Variants in LOXL3 observed in about 807,000 individuals in gnomAD.
LOXL3 encodes lysyl oxidase like 3, also known as lysyl oxidase homolog 3.
Under a neutral mutation model 91.8 loss-of-function variants are expected in LOXL3, and 60 were observed. The observed-to-expected ratio is 0.65, with a 90% CI of 0.53 to 0.81. The LOEUF is 0.81. LOXL3 is among the 30% of genes least tolerant of loss of function. The pLI is 0.00. For synonymous variants in LOXL3, 355 were observed against 387.6 expected (o/e 0.92, Z 0.99); for missense variants, 874 against 1,000.4 (o/e 0.87, Z 1.70).
Position 74,535,418 on chromosome 2 carries a change from C to A in LOXL3, c.1453G>T (p.Val485Leu). ...WYWDSGNITEVVMSGVRCTGT... is the reference protein window; with the variant it reads ...WYWDSGNITELVMSGVRCTGT... The stretch of plus-strand genomic sequence containing the variant: ...GTGCAGCGCACTCCACTCATCACCA[C>A]CTCTGTTATATTCCCAGAGTCCCAG... The change falls in exon 9 of 14, where the codon GTG (valine) becomes TTG (leucine). Residue 485 changes from valine (V) to leucine (L), a missense_variant. Coordinates refer to ENST00000264094, the MANE Select transcript of LOXL3 (RefSeq NM_032603.5). The surrounding 1 kb of genome is among the most constrained non-coding windows in gnomAD (Gnocchi z 4.2). 6.2e-7 allele frequency: 1 copy of A among 1,614,090 alleles called. No individual in the cohort carries two copies. The highest frequency in any genetic ancestry group is 1.6e-4 in the Middle Eastern group (1 of 6,062).
At chr2:74,538,503 T>G (rs1213997463) in intron 4 of LOXL3, among the ~76,000 whole-genome samples, 4 of 152,220 alleles carry the variant, frequency 2.6e-5, no homozygotes, top group African/African-American at 7.2e-5. Context: ...GCAAACTGCC[T>G]TTTGAAGACA....
In LOXL3 at chr2:74,533,294, C is replaced by T; in HGVS notation, c.*312G>A. ...TACTGGAGCTGACCATCCTGACCTC[C>T]TATTAAAGAAAATGAGCTGCTGCCA... On this transcript the variant is annotated 3_prime_UTR_variant, in exon 14 of 14. Transcript: ENST00000264094. 3.8e-6 allele frequency: 2 copies of T among 531,892 alleles called. No individual in the cohort carries two copies. Among genetic ancestry groups the T allele is most frequent in the Non-Finnish European group, 6.7e-6 (2 of 299,248 alleles). 32.9% of individuals were successfully genotyped at this position (531,892 alleles called of 1,614,324 possible).
chr2:74,534,024 G>A (rs370009907), intron 12 of LOXL3, 31 bp from the exon 13 acceptor site: 4 of 1,611,862 alleles, frequency 2.5e-6, no homozygotes, highest in African/African-American at 2.7e-5. Flanking sequence ...ACTTAACCCA[G>A]CGACAATCCT....
intron 2 of LOXL3, among the ~76,000 whole-genome samples, chr2:74,551,611 G>GCAGCT (rs1413447025): frequency 2.0e-5 from 3 of 152,170 alleles, no homozygotes; most frequent in Non-Finnish European, 4.4e-5. Flanking sequence ...TCACATCTAG[G>GCAGCT]CAGCTCTCCT....
intron 4 of LOXL3, chr2:74,548,891 G>A (rs1202761989): frequency 6.6e-6 from 1 of 151,464 alleles, no homozygotes; most frequent in Admixed American, 6.6e-5. Flanking sequence ...AGAGACTGGC[G>A]CGGTCTCTCC....
At chr2:74,553,681 T>TCGAACACC (rs1223983141) in intron 1 of LOXL3, among the ~76,000 whole-genome samples, 195 bp downstream of exon 1, 36 of 152,244 alleles carry the variant, frequency 2.4e-4, no homozygotes, top group African/African-American at 8.4e-4. Context: ...GCGGCCCTGT[T>TCGAACACC]CGAACACCCG....
At chr2:74,534,286 C>T in intron 11 of LOXL3, 30 bp downstream of exon 11, 1 of 1,614,160 alleles carries the variant, frequency 6.2e-7, no homozygotes, top group South Asian at 1.1e-5. Flanking sequence ...GCAATGGATA[C>T]CATGTGGTTC....
chr2:74,534,508 T>C, intron 10 of LOXL3, 23 bp downstream of exon 10: 1 of 1,613,744 alleles, frequency 6.2e-7, no homozygotes, highest in Non-Finnish European at 8.5e-7. Context: ...CTTGCCCTTC[T>C]ACTTGACTCC....
chr2:74,550,368 GGGACA>G lies in LOXL3; in HGVS notation c.314-25_314-21del. 1 of 1,609,458 alleles carries G rather than the reference GGGACA, an allele frequency of 6.2e-7. No individual in the cohort carries two copies. The highest frequency in any genetic ancestry group is 1.1e-5 in the South Asian group (1 of 90,574). On this transcript the variant is annotated intron_variant, in intron 2 of 13. Transcript: ENST00000264094. ...TGCGGCCTGTGGAAGGGGAGATGAA[GGGACA>G]GAGAAGCTTGGGGAGGGAGGATGGG...
At chr2:74,554,680 C>G, upstream of LOXL3, 1 of 1,502,256 alleles carries the variant, frequency 6.7e-7, no homozygotes, top group Non-Finnish European at 9.1e-7. This position sits in a 1 kb window ranked among gnomAD's most constrained non-coding sequence, Gnocchi z 4.9. Context: ...GAAACTCCTC[C>G]AGGGAACCCG....
At position 74,534,422 on chromosome 2, in the gene LOXL3, G is replaced by A; in HGVS notation, c.1833C>T (p.His611=). Residue 611 remains histidine (H), a synonymous_variant, in exon 11 of 14, where the codon CAC becomes CAT. Coordinates refer to ENST00000264094, the MANE Select transcript of LOXL3 (RefSeq NM_032603.5). ...WVWHECHGHY[H]SMDIFTHYDI... Reference sequence around the variant, plus strand: ...CATAGTGAGTGAAGATGTCCATGCTGTGGTAATGCCTGTGGGGAGAAGGGA... The same window carrying A: ...CATAGTGAGTGAAGATGTCCATGCTATGGTAATGCCTGTGGGGAGAAGGGA... 6.2e-7 allele frequency: 1 copy of A among 1,614,214 alleles called. No homozygotes were observed. The highest frequency in any genetic ancestry group is 8.5e-7 in the Non-Finnish European group (1 of 1,180,026).
At chr2:74,543,494 CCCAAAGTCAATCA>C (rs1676434665) in intron 4 of LOXL3, among the ~76,000 whole-genome samples, 1 of 152,156 alleles carries the variant, frequency 6.6e-6, no homozygotes, top group Admixed American at 6.5e-5. Context: ...TTTCTTGGAT[CCCAAAGTCAATCA>C]ATAACCAAGT....
rs749074923 is a variant in LOXL3, at chr2:74,534,201, C to T, written c.1975G>A (p.Glu659Lys). The part of the protein sequence containing the change: ...SKRYECANFG[E>K]QGITVGCWDL... ...CAGCAACCCACAGTGATGCCTTGCT[C>T]TCCAAAGTTGGCACACTCATACCGC... Residue 659 changes from glutamate to lysine, a missense_variant, in exon 12 of 14, where the codon GAG (glutamate) becomes AAG (lysine). Glu to Lys is a moderately conservative substitution (Grantham distance 56). Transcript: ENST00000264094. The T allele has an allele frequency of 6.2e-7, 1 of 1,614,190 alleles. No homozygotes were observed. The highest frequency in any genetic ancestry group is 1.7e-5 in the Admixed American group (1 of 60,018).
At chr2:74,542,312 A>G (rs1676368991) in intron 4 of LOXL3, among the ~76,000 whole-genome samples, 1 of 152,128 alleles carries the variant, frequency 6.6e-6, no homozygotes, top group African/African-American at 2.4e-5. Context: ...GAATCAAACA[A>G]ACAAACAAAC....
rs114785633 is a variant in LOXL3, at chr2:74,536,121, G to C, written c.1123C>G (p.Arg375Gly). The C allele has an allele frequency of 1.4e-5, 23 of 1,613,796 alleles. No homozygotes were observed. Among genetic ancestry groups the C allele is most frequent in the Non-Finnish European group, 1.9e-5 (22 of 1,180,026 alleles). Residue 375 changes from arginine to glycine, a missense_variant, in exon 7 of 14, where the codon CGC becomes GGC. Physicochemically the swap from Arg to Gly is moderately radical, Grantham distance 125 (BLOSUM62 -2). Coordinates refer to ENST00000264094, the MANE Select transcript of LOXL3 (RefSeq NM_032603.5). This position sits in a 1 kb window ranked among gnomAD's most constrained non-coding sequence, Gnocchi z 4.5. ...AGGGAGAGCTCCTGTCCAGAGCAGC[G>C]AACTTCACTCAGGTGGATAGCACCC... Reference protein sequence around the residue: ...GMGAIHLSEVRCSGQELSLWK... With the variant: ...GMGAIHLSEVGCSGQELSLWK...
In LOXL3 at chr2:74,534,236, T is replaced by C. The variant is rs1288911326; in HGVS notation, c.1940A>G (p.Asp647Gly). 6.2e-7 allele frequency: 1 copy of C among 1,614,180 alleles called. No homozygotes were observed. The change falls in exon 12 of 14, where the codon GAT becomes GGT. Residue 647 changes from aspartate (D) to glycine (G), a missense_variant and splice_region_variant. Coordinates refer to ENST00000264094, the MANE Select transcript of LOXL3 (RefSeq NM_032603.5). ...FCLEDTECQE[D>G]VSKRYECANF... is the part of the protein sequence containing the mutation. The stretch of plus-strand genomic sequence containing the variant: ...GGCACACTCATACCGCTTGGAGACA[T>C]CTGGAGGGATTGGCATATGTCAGTG...
rs1337824942 is a variant in LOXL3 at position 74,549,644 on chromosome 2, C to T, written c.478-61G>A. On this transcript the variant is annotated intron_variant, in intron 3 of 13. Transcript: ENST00000264094. This position sits in a 1 kb window ranked among gnomAD's most constrained non-coding sequence, Gnocchi z 5.3. The stretch of plus-strand genomic sequence containing the variant: ...GTGGCACCTTTCATGTGTCCCGCCG[C>T]CCTTAAGGAACCCTGCTTGGTGTGC... 1 of 1,532,592 alleles carries T rather than the reference C, an allele frequency of 6.5e-7. No individual in the cohort carries two copies. Among genetic ancestry groups the T allele is most frequent in the African/African-American group, 1.4e-5 (1 of 73,376 alleles). The allele number at this position is 1,532,592 out of a possible 1,614,324, so 94.9% of individuals were successfully genotyped here. A position where few individuals can be genotyped will look rare whatever the true frequency, so the allele number is the denominator to read the frequency against.
chr2:74,555,432 G>C (rs1350909324), upstream of LOXL3: 1 of 1,610,054 alleles, frequency 6.2e-7, no homozygotes, highest in Non-Finnish European at 8.5e-7. The surrounding 1 kb of genome is among the most constrained non-coding windows in gnomAD (Gnocchi z 6.1). Context: ...GGGTGCAGAC[G>C]CTGTGCCGAA....
chr2:74,554,120 G>C (rs1677212346), upstream of LOXL3: 1 of 152,940 alleles, frequency 6.5e-6, no homozygotes, highest in African/African-American at 2.4e-5. The surrounding 1 kb of genome is among the most constrained non-coding windows in gnomAD (Gnocchi z 4.9). Context: ...GCTGGCCACT[G>C]CCGCGCCCCC....
Sources: gnomAD v4.1 joint callset for allele counts (sites outside exome capture counted in the v4.1 genomes callset) on GRCh38, gnomAD v4.1.1 for gene constraint, Gnocchi (gnomAD v3.1) non-coding constraint, MANE v1.5 for transcripts, NCBI Gene and HGNC (gene_info 2026-07-23, HGNC 2026-07-21) for gene names.